The following ADAMTS20 variants were observed in gnomAD, a reference collection of about 807,000 sequenced individuals.
ADAMTS20 encodes A disintegrin and metalloproteinase with thrombospondin motifs 20.
A neutral mutation model predicts 260.1 loss-of-function variants in ADAMTS20; 225 were observed. That is an observed-to-expected ratio of 0.87 (90% CI 0.78 to 0.97). The LOEUF is 0.97. ADAMTS20 is among the 50% of genes least tolerant of loss of function. ADAMTS20 has a pLI of 0.00. For missense variants in ADAMTS20, 2,400 were observed against 2,337.7 expected (o/e 1.03, Z -0.55); for synonymous variants, 802 against 769.5 (o/e 1.04, Z -0.70).
At chr12:43,542,300 A>G (rs1274796100) in intron 2 of ADAMTS20, among the ~76,000 whole-genome samples, 1 of 152,206 alleles carries the variant, frequency 6.6e-6, no homozygotes, top group African/African-American at 2.4e-5. Flanking sequence ...TAGGTCTATA[A>G]TGGAAACATA....
chr12:43,421,150 A>G (rs534461061), intron 28 of ADAMTS20, among the ~76,000 whole-genome samples: 18 of 151,922 alleles, frequency 1.2e-4, no homozygotes, highest in Non-Finnish European at 2.2e-4. Context: ...GTTGCATTCC[A>G]TTATATCATA....
At chr12:43,487,575 T>C (rs992738059) in intron 7 of ADAMTS20, among the ~76,000 whole-genome samples, 7 of 133,810 alleles carry the variant, frequency 5.2e-5, no homozygotes, top group Non-Finnish European at 8.2e-5. Context: ...CATGAAACTA[T>C]TGAAATAAAA....
Position 43,461,939 on chromosome 12 carries a change from T to A in ADAMTS20, c.1614+956A>T, listed in dbSNP as rs550364733. The stretch of plus-strand genomic sequence containing the variant: ...TTATTAGTGTGTTAGATGATTTCAA[T>A]GAGTACTTCAGCTGCTACAAAACTT... On this transcript the variant is annotated intron_variant, in intron 11 of 38. Coordinates refer to ENST00000389420, the MANE Select transcript of ADAMTS20 (RefSeq NM_025003.5). Among the ~76,000 whole-genome samples, 77 of 152,350 alleles carry A rather than the reference T, an allele frequency of 5.1e-4. 2 individuals are homozygous for A. Among genetic ancestry groups the A allele is most frequent in the African/African-American group, 1.7e-3 (71 of 41,580 alleles).
At chr12:43,525,824 G>T (rs1317192322) in intron 3 of ADAMTS20, among the ~76,000 whole-genome samples, 1 of 152,060 alleles carries the variant, frequency 6.6e-6, no homozygotes, top group Non-Finnish European at 1.5e-5. Flanking sequence ...CTAACAAGAA[G>T]AAATTACAAC....
chr12:43,496,514 T>C (rs528011575), intron 4 of ADAMTS20, among the ~76,000 whole-genome samples: 2 of 152,334 alleles, frequency 1.3e-5, no homozygotes, highest in South Asian at 4.1e-4. Flanking sequence ...TGTCCTGTTA[T>C]AGTCACTTGC....
At chr12:43,501,469 G>GCACACACACACACA (rs1474415285) in intron 4 of ADAMTS20, among the ~76,000 whole-genome samples, 1 of 42,054 alleles carries the variant, frequency 2.4e-5, no homozygotes, top group Non-Finnish European at 4.1e-5. Context: ...ATACGCGCGC[G>GCACACACACACACA]CGCGCGCGCG....
chr12:43,452,147 G>C (rs1159464609), intron 14 of ADAMTS20, 127 bp downstream of exon 14: 14 of 945,296 alleles, frequency 1.5e-5, no homozygotes, highest in Non-Finnish European at 2.0e-5. Context: ...GATAACAAAG[G>C]TTGCTTTGTT....
rs143644696 is a variant in ADAMTS20 at position 43,522,537 on chromosome 12, G to A, written c.613+9499C>T. Among the ~76,000 whole-genome samples, 347 of 152,324 alleles carry A rather than the reference G, an allele frequency of 2.3e-3. 3 individuals are homozygous for A. The highest frequency in any genetic ancestry group is 0.014 in the Middle Eastern group (4 of 294). The stretch of plus-strand genomic sequence containing the variant: ...GACAGAGTGGGTGACAGAGGAAGTG[G>A]AGCGAAACTAATGAGGTCTCCTGAG... On this transcript the variant is annotated intron_variant, in intron 3 of 38. Transcript: ENST00000389420.
Position 43,428,719 on chromosome 12 carries a change from T to C in ADAMTS20, c.3570A>G (p.Ser1190=), listed in dbSNP as rs113230391. Reference sequence around the variant, plus strand: ...CAGGTCGGGGTAAGTGGGCACAATATGATTCATCTGCTATTCTATCAAGAG... The same window carrying C: ...CAGGTCGGGGTAAGTGGGCACAATACGATTCATCTGCTATTCTATCAAGAG... ...RDALDRIADE[S]YCAHLPRPAE... is the part of the protein sequence containing the mutation. The change falls in exon 25 of 39, where the codon TCA becomes TCG. Residue 1190 remains serine, a synonymous_variant. Transcript: ENST00000389420. The C allele has an allele frequency of 1.4e-5, 22 of 1,612,832 alleles. No individual in the cohort carries two copies. Among genetic ancestry groups the C allele is most frequent in the African/African-American group, 1.3e-4 (10 of 74,994 alleles).
chr12:43,460,261 G>T (rs969481238), intron 11 of ADAMTS20, among the ~76,000 whole-genome samples: 1 of 151,952 alleles, frequency 6.6e-6, no homozygotes, highest in Non-Finnish European at 1.5e-5. Context: ...CATTTACCTT[G>T]AATCTCAATA....
intron 28 of ADAMTS20, among the ~76,000 whole-genome samples, chr12:43,414,722 T>C (rs1364637674): frequency 1.3e-5 from 2 of 152,100 alleles, no homozygotes; most frequent in Admixed American, 1.3e-4. Flanking sequence ...GGAATTCTCA[T>C]ACAGCCACTT....
Position 43,369,305 on chromosome 12 carries a change from A to G in ADAMTS20, c.5523T>C (p.Ala1841=). Residue 1841 remains alanine (A), a synonymous_variant, in exon 37 of 39, where the codon GCT becomes GCC. Transcript: ENST00000389420. The stretch of plus-strand genomic sequence containing the variant: ...TATGAAATACCTGTGGGCATCTGAA[A>G]GCACTGTAGCAATCTCCAGCTGTGG... The part of the protein sequence containing the change: ...PFATAGDCYS[A]FRCPQGQFSI... 6.5e-6 allele frequency: 10 copies of G among 1,529,644 alleles called. No individual in the cohort carries two copies. Among genetic ancestry groups the G allele is most frequent in the Non-Finnish European group, 8.8e-6 (10 of 1,141,412 alleles). 94.8% of individuals were successfully genotyped at this position (1,529,644 alleles called of 1,614,324 possible). A position where few individuals can be genotyped will look rare whatever the true frequency, so the allele number is the denominator to read the frequency against.
intron 37 of ADAMTS20, among the ~76,000 whole-genome samples, chr12:43,364,519 G>T (rs1026361605): frequency 6.6e-6 from 1 of 152,070 alleles, no homozygotes; most frequent in East Asian, 1.9e-4. Flanking sequence ...CAATAAAGAT[G>T]AAGATATCAT....
intron 4 of ADAMTS20, among the ~76,000 whole-genome samples, chr12:43,496,572 T>G (rs1294567517): frequency 6.6e-6 from 1 of 152,204 alleles, no homozygotes; most frequent in Non-Finnish European, 1.5e-5. Context: ...TGGTCTTTAG[T>G]TCCAGCTCTA....
intron 28 of ADAMTS20, among the ~76,000 whole-genome samples, chr12:43,408,875 GGCC>G (rs1940969533): frequency 1.3e-5 from 2 of 152,112 alleles, no homozygotes; most frequent in Non-Finnish European, 2.9e-5. Flanking sequence ...TGGTGTCAGA[GGCC>G]TACAATTGAA....
Position 43,442,277 on chromosome 12 carries a change from G to C in ADAMTS20, c.2290+1514C>G, listed in dbSNP as rs571582016. ...AACATTTCTTTTTTTTTTTTTTTGAGACAGAGTTTTGCTCTTGTTGCCCAG... is the reference window on the plus strand; with the variant it reads ...AACATTTCTTTTTTTTTTTTTTTGACACAGAGTTTTGCTCTTGTTGCCCAG... On this transcript the variant is annotated intron_variant, in intron 16 of 38. Transcript: ENST00000389420. Among the ~76,000 whole-genome samples the C allele has an allele frequency of 4.8e-3, 684 of 141,146 alleles. 3 individuals are homozygous for C. The highest frequency in any genetic ancestry group is 7.6e-3 in the Admixed American group (107 of 14,084). The allele number at this position is 141,146 out of a possible 152,430, so 92.6% of individuals were successfully genotyped here. A position where few individuals can be genotyped will look rare whatever the true frequency, so the allele number is the denominator to read the frequency against.
chr12:43,417,166 A>G (rs1369475128), intron 28 of ADAMTS20, among the ~76,000 whole-genome samples: 1 of 152,114 alleles, frequency 6.6e-6, no homozygotes, highest in Non-Finnish European at 1.5e-5. Flanking sequence ...GTAACATGCA[A>G]TTCTGGCAGT....
chr12:43,428,177 C>G, intron 26 of ADAMTS20, 64 bp downstream of exon 26: 2 of 1,503,974 alleles, frequency 1.3e-6, no homozygotes, highest in Non-Finnish European at 1.8e-6. Context: ...CATATACATA[C>G]CTGTTAAAAG....
chr12:43,482,072 A>G (rs1338867043), intron 7 of ADAMTS20, among the ~76,000 whole-genome samples: 2 of 152,002 alleles, frequency 1.3e-5, no homozygotes, highest in Non-Finnish European at 1.5e-5. Flanking sequence ...AGCGGGGAAT[A>G]TATGAGAAGG....
Sources: allele counts gnomAD v4.1 joint callset (sites outside exome capture counted in the v4.1 genomes callset), GRCh38; gene constraint gnomAD v4.1.1; transcripts MANE v1.5; gene names NCBI Gene and HGNC (gene_info 2026-07-23, HGNC 2026-07-21).